The following LCOR variants were observed in gnomAD, a reference collection of about 807,000 sequenced individuals.
The protein encoded by LCOR is ligand dependent nuclear receptor corepressor, also known as ligand-dependent corepressor.
A neutral mutation model predicts 64.4 loss-of-function variants in LCOR; 14 were observed. The ratio of observed to expected loss-of-function variants is 0.22; its 90% CI spans 0.14 to 0.34. The LOEUF (loss-of-function observed/expected upper bound fraction) is 0.34. Ranked by LOEUF, LCOR falls within the 10% of genes least tolerant of loss-of-function variation. The pLI is 1.00. For missense variants in LCOR, 1,686 were observed against 1,765.3 expected (o/e 0.96, Z 0.80); for synonymous variants, 643 against 642.5 (o/e 1.00, Z -0.01).
At position 96,983,520 on chromosome 10, in the gene LCOR, T is replaced by C; in HGVS notation, c.3060T>C (p.Ser1020=). ...CSSLGLSSSG[S]GDAARAPKSV... is the part of the protein sequence containing the mutation. ...CTCTTGGGTTGTCGAGTAGTGGAAG[T>C]GGTGATGCTGCTAGGGCACCAAAAT... Residue 1020 remains serine, a synonymous_variant, in exon 8 of 8, where the codon AGT becomes AGC. Coordinates refer to ENST00000421806, the MANE Select transcript of LCOR (RefSeq NM_001346516.2). This position sits in a 1 kb window ranked among gnomAD's most constrained non-coding sequence, Gnocchi z 4.5. 6.2e-7 allele frequency: 1 copy of C among 1,613,968 alleles called. No homozygotes were observed. The highest frequency in any genetic ancestry group is 8.5e-7 in the Non-Finnish European group (1 of 1,179,990).
chr10:96,976,865 G>A (rs777040126), intron 7 of LCOR, among the ~76,000 whole-genome samples: 3 of 152,138 alleles, frequency 2.0e-5, no homozygotes, highest in African/African-American at 4.8e-5. Context: ...GGCATGAAGC[G>A]GTACCTAGAA....
intron 2 of LCOR, among the ~76,000 whole-genome samples, chr10:96,854,476 G>A (rs1415243529): frequency 3.9e-5 from 6 of 151,984 alleles, no homozygotes; most frequent in Middle Eastern, 3.2e-3. Flanking sequence ...ATAGGCACCC[G>A]CCACCACACC....
intron 2 of LCOR, among the ~76,000 whole-genome samples, chr10:96,874,223 T>C (rs1846125515): frequency 6.6e-6 from 1 of 152,184 alleles, no homozygotes; most frequent in Non-Finnish European, 1.5e-5. Flanking sequence ...ATTTCTGCTG[T>C]TTTATAAGTT....
chr10:96,957,525 T>C (rs919052356), intron 7 of LCOR: 14 of 985,268 alleles, frequency 1.4e-5, no homozygotes, highest in African/African-American at 3.5e-5. Flanking sequence ...CTGAGAAAGG[T>C]GGTCAGGCCC....
rs1368842155 is a variant in LCOR at position 96,984,980 on chromosome 10, C to T, written c.4520C>T (p.Pro1507Leu). 1.9e-6 allele frequency: 3 copies of T among 1,614,164 alleles called. No individual in the cohort carries two copies. The highest frequency in any genetic ancestry group is 2.5e-6 in the Non-Finnish European group (3 of 1,180,040). The change falls in exon 8 of 8, where the codon CCT (proline) becomes CTT (leucine). Residue 1507 changes from proline (P) to leucine (L), a missense_variant. This residue lies in a region of LCOR where 1,293 missense variants were observed against 1,410.4 expected (regional missense o/e 0.92). Coordinates refer to ENST00000421806, the MANE Select transcript of LCOR (RefSeq NM_001346516.2). ...QKGAGESSSR[P>L]QKATNRKQSS... ...GGGGCCGGTGAATCCTCTTCAAGGCCTCAGAAAGCCACGAATAGGAAGCAG... is the reference window on the plus strand; with the variant it reads ...GGGGCCGGTGAATCCTCTTCAAGGCTTCAGAAAGCCACGAATAGGAAGCAG...
chr10:96,967,284 A>G (rs1847960521), intron 7 of LCOR, among the ~76,000 whole-genome samples: 1 of 152,114 alleles, frequency 6.6e-6, no homozygotes, highest in African/African-American at 2.4e-5. Flanking sequence ...GGTGTGTGCC[A>G]CCATGCCCAG....
At chr10:96,928,836 A>G (rs1006033510) in intron 4 of LCOR, among the ~76,000 whole-genome samples, 1 of 152,202 alleles carries the variant, frequency 6.6e-6, no homozygotes, top group African/African-American at 2.4e-5. Context: ...CAGAATGGGT[A>G]TTGTGTTAGT....
Position 96,833,481 on chromosome 10 carries a change from T to C in LCOR, c.-330+2T>C. On this transcript the variant is annotated splice_donor_variant, in intron 2 of 7. Transcript: ENST00000421806. LOFTEE classifies it low-confidence loss of function (5UTR_SPLICE). ...ATATATTTAACCCCCCTCCAAAAAG[T>C]AAGTGGCCCGTGTGGTGTCTCCGCT... 1.0e-6 allele frequency: 1 copy of C among 985,508 alleles called. No individual in the cohort carries two copies. The highest frequency in any genetic ancestry group is 1.2e-6 in the Non-Finnish European group (1 of 829,638). The allele number at this position is 985,508 out of a possible 1,614,324, so 61.0% of individuals were successfully genotyped here. A position where few individuals can be genotyped will look rare whatever the true frequency, so the allele number is the denominator to read the frequency against.
At chr10:96,844,451 T>C (rs1337588312) in intron 2 of LCOR, among the ~76,000 whole-genome samples, 2 of 152,164 alleles carry the variant, frequency 1.3e-5, no homozygotes, top group African/African-American at 2.4e-5. Flanking sequence ...TGATTGCTTA[T>C]GTGCTTTATG....
intron 2 of LCOR, among the ~76,000 whole-genome samples, chr10:96,883,946 T>A (rs1372894475): frequency 6.6e-6 from 1 of 152,192 alleles, no homozygotes; most frequent in African/African-American, 2.4e-5. Flanking sequence ...ATGGATTTTT[T>A]AAAACAGTGA....
At chr10:96,886,186 T>C (rs919276054) in intron 2 of LCOR, among the ~76,000 whole-genome samples, 3 of 152,162 alleles carry the variant, frequency 2.0e-5, no homozygotes, top group Non-Finnish European at 4.4e-5. Flanking sequence ...CTAAAGACTT[T>C]GTCATACATC....
At chr10:96,841,386 A>G (rs1845538456) in intron 2 of LCOR, among the ~76,000 whole-genome samples, 1 of 143,490 alleles carries the variant, frequency 7.0e-6, no homozygotes. Flanking sequence ...TTTTTGAGAC[A>G]GTCTTGCTGT....
chr10:96,947,529 A>G (rs1847609402), intron 5 of LCOR, among the ~76,000 whole-genome samples: 1 of 152,168 alleles, frequency 6.6e-6, no homozygotes. Context: ...TACTGTGGGT[A>G]AAGTTATTTG....
chr10:96,844,197 T>C (rs968394619), intron 2 of LCOR, among the ~76,000 whole-genome samples: 2 of 144,110 alleles, frequency 1.4e-5, no homozygotes, highest in Non-Finnish European at 3.0e-5. Context: ...TCACCCAGGC[T>C]TGGAGTGCAG....
chr10:96,879,664 T>C (rs1369811121), intron 2 of LCOR, among the ~76,000 whole-genome samples: 1 of 152,180 alleles, frequency 6.6e-6, no homozygotes, highest in African/African-American at 2.4e-5. Context: ...TGTTTTGTTT[T>C]GTGTTTTTTT....
chr10:96,867,080 A>G (rs1484383082), intron 2 of LCOR, among the ~76,000 whole-genome samples: 1 of 152,044 alleles, frequency 6.6e-6, no homozygotes, highest in Non-Finnish European at 1.5e-5. Flanking sequence ...TCCGTCTCCC[A>G]GGTTCAAGCG....
intron 4 of LCOR, among the ~76,000 whole-genome samples, chr10:96,943,001 C>T (rs959272980): frequency 2.0e-5 from 3 of 151,994 alleles, no homozygotes; most frequent in African/African-American, 7.2e-5. Context: ...CCAACTTGGT[C>T]CAGTGCTCCT....
intron 2 of LCOR, among the ~76,000 whole-genome samples, chr10:96,881,839 C>T (rs1396752741): frequency 6.6e-6 from 1 of 152,138 alleles, no homozygotes; most frequent in African/African-American, 2.4e-5. Context: ...TGGAAATATC[C>T]TCTTAAAAGC....
intron 2 of LCOR, among the ~76,000 whole-genome samples, chr10:96,869,579 T>TC (rs1050333913): frequency 7.3e-5 from 11 of 151,248 alleles, no homozygotes; most frequent in African/African-American, 2.4e-4. Context: ...CTTTTTTTTT[T>TC]TTTTTTCTTT....
Sources: allele counts gnomAD v4.1 joint callset (sites outside exome capture counted in the v4.1 genomes callset), GRCh38; gene constraint gnomAD v4.1.1; regional missense constraint gnomAD v4.1.1; non-coding constraint Gnocchi (gnomAD v3.1); transcripts MANE v1.5; gene names NCBI Gene and HGNC (gene_info 2026-07-23, HGNC 2026-07-21).